Variants in DSCAM observed in about 807,000 individuals in gnomAD.
The protein encoded by DSCAM is cell adhesion molecule DSCAM.
A neutral mutation model predicts 217.7 loss-of-function variants in DSCAM; 47 were observed. That is an observed-to-expected ratio of 0.22 (90% CI 0.17 to 0.28). DSCAM has a LOEUF of 0.28. DSCAM is among the 10% of genes least tolerant of loss of function. DSCAM has a pLI of 1.00. For synonymous variants in DSCAM, 1,056 were observed against 1,015.3 expected (o/e 1.04, Z -0.76); for missense variants, 2,080 against 2,618.3 (o/e 0.79, Z 4.49).
chr21:40,116,637 C>T (rs1361701477), intron 20 of DSCAM, among the ~76,000 whole-genome samples: 9 of 150,850 alleles, frequency 6.0e-5, no homozygotes, highest in Admixed American at 4.6e-4. Flanking sequence ...AAATGGAATA[C>T]AATTGTCTAT....
intron 3 of DSCAM, among the ~76,000 whole-genome samples, chr21:40,675,168 G>A (rs2090324964): frequency 6.6e-6 from 1 of 152,124 alleles, no homozygotes; most frequent in African/African-American, 2.4e-5. Context: ...CCTCACATGT[G>A]TTCGGTTACT....
At chr21:40,273,021 T>C (rs2073640183) in intron 11 of DSCAM, among the ~76,000 whole-genome samples, 1 of 152,152 alleles carries the variant, frequency 6.6e-6, no homozygotes, top group African/African-American at 2.4e-5. Context: ...TACCTCCCCA[T>C]GGGCCATGGA....
chr21:40,725,372 T>C (rs1392492328), intron 1 of DSCAM, among the ~76,000 whole-genome samples: 1 of 152,004 alleles, frequency 6.6e-6, no homozygotes, highest in Admixed American at 6.6e-5. Context: ...AAAACCTGCG[T>C]CCGGGCTCCA....
intron 1 of DSCAM, among the ~76,000 whole-genome samples, chr21:40,777,081 C>T (rs932863620): frequency 1.3e-5 from 2 of 152,128 alleles, no homozygotes; most frequent in Non-Finnish European, 2.9e-5. Context: ...GTTCTGGAGG[C>T]CAAGAAGTCT....
rs375234577 is a variant in DSCAM, at chr21:40,124,313, G to A, written c.3578C>T (p.Ala1193Val). ...RTKEDVPGPP[A>V]GVKAAAASAS... ...TGAGGCCGCCGCTGCCTTCACACCC[G>A]CGGGAGGACCTGGAACTGGAAGAGC... Residue 1193 changes from alanine to valine, a missense_variant, in exon 20 of 33, where the codon GCG becomes GTG. Transcript: ENST00000400454. 2.3e-5 allele frequency: 37 copies of A among 1,613,780 alleles called. No homozygotes were observed. Among genetic ancestry groups the A allele is most frequent in the South Asian group, 1.2e-4 (11 of 91,080 alleles).
At chr21:40,138,443 GGTGT>G (rs1434532944) in intron 18 of DSCAM, among the ~76,000 whole-genome samples, 2 of 147,646 alleles carry the variant, frequency 1.4e-5, no homozygotes, top group East Asian at 4.1e-4. Flanking sequence ...TGCGTGGTGT[GGTGT>G]GTGTGTATGT....
At chr21:40,211,602 G>A (rs1337301168) in intron 11 of DSCAM, among the ~76,000 whole-genome samples, 2 of 152,160 alleles carry the variant, frequency 1.3e-5, no homozygotes, top group Non-Finnish European at 1.5e-5. Context: ...AGCCAGGCAT[G>A]CATTTTTGAT....
intron 3 of DSCAM, among the ~76,000 whole-genome samples, chr21:40,548,342 G>A (rs13047873): frequency 6.6e-6 from 1 of 151,756 alleles, no homozygotes; most frequent in East Asian, 1.9e-4. Context: ...AAGGGGGTTC[G>A]GCTTGGTACT....
intron 1 of DSCAM, among the ~76,000 whole-genome samples, chr21:40,712,011 T>C (rs2090785668): frequency 6.6e-6 from 1 of 152,098 alleles, no homozygotes; most frequent in African/African-American, 2.4e-5. Flanking sequence ...TTAAATAAAG[T>C]AATCAGAAAG....
chr21:40,763,595 T>C (rs190603888), intron 1 of DSCAM, among the ~76,000 whole-genome samples: 219 of 152,332 alleles, frequency 1.4e-3, no homozygotes, highest in Middle Eastern at 6.8e-3. Context: ...AGAAAACTAC[T>C]TTAAATTTCA....
intron 28 of DSCAM, among the ~76,000 whole-genome samples, chr21:40,056,903 T>C (rs117893555): frequency 0.036 from 5,454 of 152,312 alleles, 165 homozygotes; most frequent in African/African-American, 0.078. Context: ...CCGAGCCATT[T>C]ACCCCGAGTC....
intron 20 of DSCAM, among the ~76,000 whole-genome samples, chr21:40,106,679 T>C (rs1411201426): frequency 1.3e-5 from 2 of 152,334 alleles, no homozygotes; most frequent in Non-Finnish European, 2.9e-5. Flanking sequence ...GGATTCAATT[T>C]CTTCCTATTT....
At chr21:40,261,656 C>T (rs909772251) in intron 11 of DSCAM, among the ~76,000 whole-genome samples, 21 of 143,318 alleles carry the variant, frequency 1.5e-4, no homozygotes, top group Non-Finnish European at 1.6e-5. Context: ...TCTCTCTACA[C>T]ACACACACAC....
At chr21:40,297,306 A>G (rs2073965929) in intron 9 of DSCAM, among the ~76,000 whole-genome samples, 1 of 152,214 alleles carries the variant, frequency 6.6e-6, no homozygotes, top group African/African-American at 2.4e-5. Flanking sequence ...TTTAATATGT[A>G]TCACATCTCT....
chr21:40,357,691 T>A (rs2074709645), intron 4 of DSCAM, among the ~76,000 whole-genome samples: 1 of 151,918 alleles, frequency 6.6e-6, no homozygotes, highest in Non-Finnish European at 1.5e-5. Flanking sequence ...AAGGGGAACA[T>A]CACACACCAG....
chr21:40,768,691 G>A (rs963917533), intron 1 of DSCAM, among the ~76,000 whole-genome samples: 3 of 152,202 alleles, frequency 2.0e-5, no homozygotes, highest in Non-Finnish European at 4.4e-5. Context: ...GTTGTAAGGA[G>A]CACCTCTGCA....
intron 3 of DSCAM, among the ~76,000 whole-genome samples, chr21:40,574,059 C>T (rs765080875): frequency 6.6e-5 from 10 of 151,304 alleles, no homozygotes; most frequent in African/African-American, 1.5e-4. Context: ...CTAAGGAAGG[C>T]GTAATACCAA....
At chr21:40,247,047 C>G (rs1197119695) in intron 11 of DSCAM, among the ~76,000 whole-genome samples, 1 of 152,096 alleles carries the variant, frequency 6.6e-6, no homozygotes, top group African/African-American at 2.4e-5. Context: ...AAGCGCAAAT[C>G]CCTGATAAAC....
At chr21:40,752,600 G>A (rs894973008) in intron 1 of DSCAM, among the ~76,000 whole-genome samples, 2 of 152,170 alleles carry the variant, frequency 1.3e-5, no homozygotes, top group East Asian at 3.9e-4. Context: ...GGCGAGAGGA[G>A]CACCTGAGCC....
Sources: allele counts gnomAD v4.1 joint callset (sites outside exome capture counted in the v4.1 genomes callset), GRCh38; gene constraint gnomAD v4.1.1; transcripts MANE v1.5; gene names NCBI Gene and HGNC (gene_info 2026-07-23, HGNC 2026-07-21).